Variants in ACOXL observed in about 807,000 individuals in gnomAD.
ACOXL encodes the protein acyl-coenzyme A oxidase-like protein.
Under a neutral mutation model 71.9 loss-of-function variants are expected in ACOXL, and 70 were observed. The observed-to-expected ratio is 0.97, with a 90% CI of 0.80 to 1.19. ACOXL has a LOEUF of 1.19. Ranked by LOEUF, ACOXL falls within the 50% of genes most tolerant of loss-of-function variation. The probability of loss-of-function intolerance (pLI) is 0.00; values close to 1 mark genes in which losing one functional copy is unlikely to be tolerated. For synonymous variants in ACOXL, 253 were observed against 281.6 expected (o/e 0.90, Z 1.02); for missense variants, 703 against 736.3 (o/e 0.95, Z 0.52).
At chr2:111,100,736 G>C (rs1206172849) in intron 17 of ACOXL, 1 of 152,768 alleles carries the variant, frequency 6.5e-6, no homozygotes, top group East Asian at 1.9e-4. Flanking sequence ...TTGCACCCTT[G>C]CTGGGAAGTG....
At chr2:110,795,000 T>C (rs1685117610) in intron 5 of ACOXL, among the ~76,000 whole-genome samples, 1 of 151,284 alleles carries the variant, frequency 6.6e-6, no homozygotes, top group Non-Finnish European at 1.5e-5. Context: ...CTCTCCTTTA[T>C]AGTTGCTTGC....
At chr2:110,879,855 G>A (rs1696400754) in intron 10 of ACOXL, among the ~76,000 whole-genome samples, 2 of 151,952 alleles carry the variant, frequency 1.3e-5, no homozygotes, top group Non-Finnish European at 2.9e-5. Context: ...AGATTGAAAG[G>A]AAAAAAGGGC....
intron 1 of ACOXL, among the ~76,000 whole-genome samples, chr2:110,754,777 G>C (rs925660213): frequency 3.9e-5 from 6 of 152,184 alleles, no homozygotes; most frequent in Non-Finnish European, 8.8e-5. Context: ...TGCAAATAAA[G>C]CTGCTGTAAA....
intron 12 of ACOXL, among the ~76,000 whole-genome samples, chr2:110,946,317 G>A (rs753962056): frequency 2.0e-5 from 3 of 152,158 alleles, no homozygotes; most frequent in African/African-American, 4.8e-5. Flanking sequence ...CTAGAATTAT[G>A]TTATCTGCAA....
At chr2:110,990,662 A>T (rs939873304) in intron 13 of ACOXL, among the ~76,000 whole-genome samples, 1 of 152,178 alleles carries the variant, frequency 6.6e-6, no homozygotes, top group Non-Finnish European at 1.5e-5. Context: ...TGATAGACAC[A>T]CTTTACTTCC....
intron 10 of ACOXL, among the ~76,000 whole-genome samples, chr2:110,905,030 G>A (rs1304075463): frequency 1.3e-5 from 2 of 152,130 alleles, no homozygotes; most frequent in African/African-American, 4.8e-5. Flanking sequence ...TCCAGGGTCA[G>A]TAAAGTCTCA....
intron 12 of ACOXL, among the ~76,000 whole-genome samples, chr2:110,971,814 ATCT>A (rs760723384): frequency 2.1e-4 from 32 of 152,206 alleles, no homozygotes; most frequent in Admixed American, 3.3e-4. Context: ...GTATCAAAAA[ATCT>A]TCTTAAGAAT....
At chr2:110,979,022 G>A (rs1359330582) in intron 12 of ACOXL, among the ~76,000 whole-genome samples, 1 of 152,128 alleles carries the variant, frequency 6.6e-6, no homozygotes, top group Non-Finnish European at 1.5e-5. Context: ...CTGGAAATGA[G>A]GGCGATTCCG....
intron 16 of ACOXL, among the ~76,000 whole-genome samples, chr2:111,071,200 G>C (rs2067324638): frequency 6.6e-6 from 1 of 152,158 alleles, no homozygotes; most frequent in African/African-American, 2.4e-5. Context: ...GGAAGGAAAA[G>C]AGACTCTGAT....
chr2:110,966,002 A>G (rs1412845176), intron 12 of ACOXL, among the ~76,000 whole-genome samples: 1 of 152,110 alleles, frequency 6.6e-6, no homozygotes, highest in East Asian at 1.9e-4. Flanking sequence ...TACCCATGCT[A>G]CACCAGCCAG....
chr2:110,886,380 C>CTTTTTTTT (rs751607372), intron 10 of ACOXL, among the ~76,000 whole-genome samples: 1 of 131,474 alleles, frequency 7.6e-6, no homozygotes. Context: ...CCTTCTTTTT[C>CTTTTTTTT]TTTTTTTTTT....
At chr2:110,740,243 C>T (rs770955627) in intron 1 of ACOXL, among the ~76,000 whole-genome samples, 1 of 152,264 alleles carries the variant, frequency 6.6e-6, no homozygotes, top group African/African-American at 2.4e-5. Context: ...GCCAGATTAT[C>T]TTCCAAAGGC....
intron 10 of ACOXL, among the ~76,000 whole-genome samples, chr2:110,843,367 C>T (rs1241474206): frequency 6.6e-6 from 1 of 152,220 alleles, no homozygotes; most frequent in Non-Finnish European, 1.5e-5. Context: ...CCTCATTCCT[C>T]CAAACTGTGA....
At chr2:111,096,057 AAAG>A (rs752984640) in intron 17 of ACOXL, among the ~76,000 whole-genome samples, 1 of 152,180 alleles carries the variant, frequency 6.6e-6, no homozygotes, top group Non-Finnish European at 1.5e-5. Flanking sequence ...ATGTGCTTGC[AAAG>A]AAGATTAGAG....
intron 12 of ACOXL, among the ~76,000 whole-genome samples, chr2:110,974,925 C>G (rs769396043): frequency 2.0e-5 from 3 of 152,204 alleles, no homozygotes; most frequent in Non-Finnish European, 4.4e-5. Context: ...GCTTAAAACA[C>G]TAGACTCAGC....
intron 9 of ACOXL, among the ~76,000 whole-genome samples, chr2:110,806,553 G>T (rs1188790458): frequency 6.6e-6 from 1 of 152,026 alleles, no homozygotes; most frequent in South Asian, 2.1e-4. Context: ...CCAGAGAGAG[G>T]CAAAAATAGA....
intron 13 of ACOXL, among the ~76,000 whole-genome samples, chr2:110,991,892 T>C (rs1013754025): frequency 6.6e-6 from 1 of 152,190 alleles, no homozygotes; most frequent in Non-Finnish European, 1.5e-5. Context: ...TATGGTTAGC[T>C]TTTTCCTCCA....
chr2:110,902,264 G>A (rs957597407), intron 10 of ACOXL, among the ~76,000 whole-genome samples: 1 of 152,140 alleles, frequency 6.6e-6, no homozygotes, highest in Non-Finnish European at 1.5e-5. Context: ...GAAGCCAGGA[G>A]TTTGAGACCA....
At chr2:110,775,795 G>T (rs1222454967) in intron 2 of ACOXL, among the ~76,000 whole-genome samples, 2 of 152,204 alleles carry the variant, frequency 1.3e-5, no homozygotes, top group Non-Finnish European at 2.9e-5. Flanking sequence ...CATGTGCATT[G>T]TCGGTGGTGA....
Sources: allele counts gnomAD v4.1 joint callset (sites outside exome capture counted in the v4.1 genomes callset), GRCh38; gene constraint gnomAD v4.1.1; transcripts MANE v1.5; gene names NCBI Gene and HGNC (gene_info 2026-07-23, HGNC 2026-07-21).